Variants in JARID2 observed in about 807,000 individuals in gnomAD.
JARID2 encodes the protein jumonji and AT-rich interaction domain containing 2, also known as protein Jumonji.
A neutral mutation model predicts 125.6 loss-of-function variants in JARID2; 21 were observed. The observed-to-expected ratio is 0.17, with a 90% CI of 0.12 to 0.24. The LOEUF (loss-of-function observed/expected upper bound fraction) is 0.24. Ranked by LOEUF, JARID2 falls within the 10% of genes least tolerant of loss-of-function variation. The pLI is 1.00. For synonymous variants in JARID2, 736 were observed against 661.6 expected (o/e 1.11, Z -1.73); for missense variants, 1,303 against 1,639.6 (o/e 0.79, Z 3.55).
intron 5 of JARID2, among the ~76,000 whole-genome samples, chr6:15,469,762 C>T (rs920052788): frequency 6.6e-6 from 1 of 151,958 alleles, no homozygotes; most frequent in African/African-American, 2.4e-5. Flanking sequence ...ATTCCCTGAC[C>T]GAAGGTTGTC....
At chr6:15,250,472 G>C (rs1284645779) in intron 1 of JARID2, among the ~76,000 whole-genome samples, 2 of 152,102 alleles carry the variant, frequency 1.3e-5, no homozygotes, top group African/African-American at 4.8e-5. Context: ...CTTGTTTCTA[G>C]TAGTGGAAAA....
At chr6:15,432,176 C>T (rs933263671) in intron 3 of JARID2, among the ~76,000 whole-genome samples, 4 of 151,938 alleles carry the variant, frequency 2.6e-5, no homozygotes, top group African/African-American at 9.7e-5. Context: ...CGTTTGCAAT[C>T]CCAGCACTTT....
intron 4 of JARID2, among the ~76,000 whole-genome samples, chr6:15,466,782 G>A (rs1305134483): frequency 6.6e-6 from 1 of 152,198 alleles, no homozygotes; most frequent in African/African-American, 2.4e-5. Flanking sequence ...TTTTGGTCCA[G>A]TGGAAATGTG....
chr6:15,389,657 A>G (rs1054219453), intron 2 of JARID2, among the ~76,000 whole-genome samples: 1 of 152,292 alleles, frequency 6.6e-6, no homozygotes, highest in South Asian at 2.1e-4. Context: ...CTCAGCTGGC[A>G]CTTTCTGAAT....
At position 15,520,649 on chromosome 6, in the gene JARID2, C is replaced by A; in HGVS notation, c.*398C>A. The A allele has an allele frequency of 3.4e-6, 1 of 297,612 alleles. No homozygotes were observed. Among genetic ancestry groups the A allele is most frequent in the Non-Finnish European group, 7.0e-6 (1 of 142,200 alleles). The allele number at this position is 297,612 out of a possible 1,614,324, so 18.4% of individuals were successfully genotyped here. A position where few individuals can be genotyped will look rare whatever the true frequency, so the allele number is the denominator to read the frequency against. On this transcript the variant is annotated 3_prime_UTR_variant, in exon 18 of 18. Transcript: ENST00000341776. ...GAGAACAAATTTAAAAACCATCAGT[C>A]ATGTGAGCAGATTTTTTAGAAGGGA... is the stretch of plus-strand genomic sequence containing the variant.
intron 3 of JARID2, among the ~76,000 whole-genome samples, chr6:15,420,135 C>A (rs1766417093): frequency 6.6e-6 from 1 of 152,082 alleles, no homozygotes; most frequent in Non-Finnish European, 1.5e-5. Context: ...GAAGTTACAG[C>A]TGGGCACGCC....
intron 1 of JARID2, among the ~76,000 whole-genome samples, chr6:15,313,825 T>C (rs1208892880): frequency 1.3e-5 from 2 of 152,204 alleles, no homozygotes; most frequent in African/African-American, 2.4e-5. Flanking sequence ...AATACATTTG[T>C]CATCTAAACC....
intron 5 of JARID2, among the ~76,000 whole-genome samples, chr6:15,484,238 T>C (rs1224053385): frequency 2.0e-5 from 3 of 152,204 alleles, no homozygotes; most frequent in Non-Finnish European, 4.4e-5. Context: ...TAGCTACTCC[T>C]CTTTTTCCCA....
intron 1 of JARID2, among the ~76,000 whole-genome samples, chr6:15,364,888 A>G (rs745384933): frequency 6.6e-6 from 1 of 152,206 alleles, no homozygotes; most frequent in Non-Finnish European, 1.5e-5. Context: ...GCATGACTCA[A>G]GGACCTTAAT....
Position 15,520,195 on chromosome 6 carries a change from C to T in JARID2, c.3685C>T (p.Pro1229Ser). ...GPRKRATVDV[P>S]PSRLSASSSS... The stretch of plus-strand genomic sequence containing the variant: ...CCGCAAGAGAGCGACAGTGGACGTG[C>T]CCCCCTCCCGTCTGTCAGCCTCCAG... Residue 1229 changes from proline to serine, a missense_variant, in exon 18 of 18, where the codon CCC becomes TCC. This residue lies in a region of JARID2 where 75 missense variants were observed against 66.0 expected (regional missense o/e 1.14). Transcript: ENST00000341776. The T allele has an allele frequency of 6.2e-7, 1 of 1,613,060 alleles. No individual in the cohort carries two copies. The highest frequency in any genetic ancestry group is 8.5e-7 in the Non-Finnish European group (1 of 1,179,494).
At position 15,452,087 on chromosome 6, in the gene JARID2, A is replaced by C; in HGVS notation, c.405A>C (p.Pro135=). 6.2e-7 allele frequency: 1 copy of C among 1,614,140 alleles called. No homozygotes were observed. The highest frequency in any genetic ancestry group is 1.1e-5 in the South Asian group (1 of 91,080). The stretch of plus-strand genomic sequence containing the variant: ...CAACTCCAGTAAAGATAGTGGAGCC[A>C]TTGCTACCCCCTCCAGCTACTCAGA... The part of the protein sequence containing the change: ...PSTTPVKIVE[P]LLPPPATQIS... Residue 135 remains proline, a synonymous_variant, in exon 4 of 18, where the codon CCA becomes CCC. Transcript: ENST00000341776.
chr6:15,522,019 T>C lies in JARID2; in HGVS notation c.*1768T>C, dbSNP rs1285599232. 6.6e-6 allele frequency: 1 copy of C among 152,250 alleles called. No homozygotes were observed. Among genetic ancestry groups the C allele is most frequent in the Non-Finnish European group, 1.5e-5 (1 of 68,048 alleles). 9.4% of individuals were successfully genotyped at this position (152,250 alleles called of 1,614,324 possible). A position where few individuals can be genotyped will look rare whatever the true frequency, so the allele number is the denominator to read the frequency against. ...GTTTAATAATAAAAACAAAGTTTTT[T>C]GGACATTTGTCTGTCTTGTGGAAGA... On this transcript the variant is annotated 3_prime_UTR_variant, in exon 18 of 18. Coordinates refer to ENST00000341776, the MANE Select transcript of JARID2 (RefSeq NM_004973.4).
intron 3 of JARID2, among the ~76,000 whole-genome samples, chr6:15,415,426 G>A (rs1443001593): frequency 2.0e-4 from 29 of 147,220 alleles, no homozygotes; most frequent in South Asian, 4.4e-4. Context: ...CAGACGGGGC[G>A]GCTGGCCGGG....
chr6:15,501,191 GACC>G lies in JARID2; in HGVS notation c.2236_2238del (p.His746del), dbSNP rs749945946. ...GCCGCTGGAAGGCCACACAGAGAAC[GACC>G]ACCACAAGTTCCACCCTCTGCCCCG... On this transcript the variant is annotated inframe_deletion, in exon 8 of 18. Coordinates refer to ENST00000341776, the MANE Select transcript of JARID2 (RefSeq NM_004973.4). 6.2e-7 allele frequency: 1 copy of G among 1,614,076 alleles called. No individual in the cohort carries two copies. The highest frequency in any genetic ancestry group is 8.5e-7 in the Non-Finnish European group (1 of 1,180,000).
At chr6:15,359,755 T>A (rs1763727164) in intron 1 of JARID2, among the ~76,000 whole-genome samples, 1 of 151,838 alleles carries the variant, frequency 6.6e-6, no homozygotes, top group South Asian at 2.1e-4. Flanking sequence ...CAGGCTGGAT[T>A]GCAGTGGCAC....
At chr6:15,391,147 C>CT (rs1764985527) in intron 2 of JARID2, among the ~76,000 whole-genome samples, 1 of 151,872 alleles carries the variant, frequency 6.6e-6, no homozygotes. Context: ...GTTGGTTTGC[C>CT]CCCTTCTAGG....
At position 15,433,410 on chromosome 6, in the gene JARID2, CTGTGTGTG is replaced by C. The variant is rs57296791; in HGVS notation, c.324-18562_324-18555del. Among the ~76,000 whole-genome samples the C allele has an allele frequency of 4.0e-3, 577 of 143,518 alleles. 2 individuals carry two copies. Among genetic ancestry groups the C allele is most frequent in the Middle Eastern group, 0.01 (3 of 290 alleles). The allele number at this position is 143,518 out of a possible 152,430, so 94.2% of individuals were successfully genotyped here. The stretch of plus-strand genomic sequence containing the variant: ...CCTCCTCCCCAACCCCCATGTCTCT[CTGTGTGTG>C]TGTGTGTGTGTGTGTGTGTGTGTGT... On this transcript the variant is annotated intron_variant, in intron 3 of 17. Transcript: ENST00000341776.
chr6:15,491,106 T>C (rs1770128891), intron 6 of JARID2, among the ~76,000 whole-genome samples: 1 of 152,244 alleles, frequency 6.6e-6, no homozygotes, highest in African/African-American at 2.4e-5. Flanking sequence ...TCTTTTAAAG[T>C]TCTGGAAAAT....
intron 1 of JARID2, among the ~76,000 whole-genome samples, chr6:15,358,626 T>A (rs906300813): frequency 1.3e-5 from 2 of 152,252 alleles, no homozygotes; most frequent in Admixed American, 6.5e-5. Context: ...GTAACCTTTT[T>A]GCTTTTTCTG....
Sources: gnomAD v4.1 joint callset for allele counts (sites outside exome capture counted in the v4.1 genomes callset) on GRCh38, gnomAD v4.1.1 for gene constraint, gnomAD v4.1.1 regional missense constraint, MANE v1.5 for transcripts, NCBI Gene and HGNC (gene_info 2026-07-23, HGNC 2026-07-21) for gene names.